The following MRPS27 variants were observed in gnomAD, a reference collection of about 807,000 sequenced individuals.
MRPS27 encodes small ribosomal subunit protein mS27.
MRPS27 carries 43 observed loss-of-function variants against 48.9 expected under a neutral mutation model. That is an observed-to-expected ratio of 0.88 (90% CI 0.69 to 1.13). MRPS27 has a LOEUF of 1.13. Ranked by LOEUF, MRPS27 falls within the 50% of genes most tolerant of loss-of-function variation. The pLI, the probability that MRPS27 is intolerant of heterozygous loss-of-function variation, is 0.00. For missense variants in MRPS27, 467 were observed against 476.3 expected (o/e 0.98, Z 0.18); for synonymous variants, 188 against 171.9 (o/e 1.09, Z -0.73).
At chr5:72,284,359 G>A (rs1172441463) in intron 4 of MRPS27, among the ~76,000 whole-genome samples, 1 of 151,714 alleles carries the variant, frequency 6.6e-6, no homozygotes, top group Non-Finnish European at 1.5e-5. Flanking sequence ...GGGAAGTTGA[G>A]GGTACAGTGA....
At chr5:72,286,852 C>A (rs1196459846) in intron 4 of MRPS27, among the ~76,000 whole-genome samples, 1 of 152,132 alleles carries the variant, frequency 6.6e-6, no homozygotes, top group Non-Finnish European at 1.5e-5. Flanking sequence ...CAAAATAAAG[C>A]CGATCATAGA....
chr5:72,241,286 C>T (rs1052487420), intron 4 of MRPS27, among the ~76,000 whole-genome samples: 1 of 152,206 alleles, frequency 6.6e-6, no homozygotes, highest in Non-Finnish European at 1.5e-5. Flanking sequence ...AGCCACTGTG[C>T]CCAGCCTTGG....
At chr5:72,285,232 C>T (rs891764691) in intron 4 of MRPS27, among the ~76,000 whole-genome samples, 6 of 152,190 alleles carry the variant, frequency 3.9e-5, no homozygotes, top group African/African-American at 1.2e-4. Context: ...CTCACTTCCT[C>T]CTTCTAACTC....
At chr5:72,229,518 C>T (rs755635170) in intron 7 of MRPS27, 4 of 152,024 alleles carry the variant, frequency 2.6e-5, no homozygotes, top group Non-Finnish European at 5.9e-5. Context: ...ATTTTCCCCA[C>T]CTAAAACTGC....
chr5:72,247,626 G>A (rs1212276216), intron 4 of MRPS27, among the ~76,000 whole-genome samples: 1 of 152,152 alleles, frequency 6.6e-6, no homozygotes, highest in African/African-American at 2.4e-5. Flanking sequence ...CATTATAACT[G>A]AAGATCAAGT....
rs1580047059 is a variant in MRPS27, at chr5:72,220,624, A to G, written c.*285T>C. On this transcript the variant is annotated 3_prime_UTR_variant, in exon 11 of 11. Transcript: ENST00000261413. Reference sequence around the variant, plus strand: ...CTGGGTCTTAGGAACTTTAATGCTCATAACTAATCCCTGTGCCCCAGGAAC... The same window carrying G: ...CTGGGTCTTAGGAACTTTAATGCTCGTAACTAATCCCTGTGCCCCAGGAAC... 1 of 407,776 alleles carries G rather than the reference A, an allele frequency of 2.5e-6. No homozygotes were observed. The highest frequency in any genetic ancestry group is 4.2e-5 in the East Asian group (1 of 23,654). The allele number at this position is 407,776 out of a possible 1,614,324, so 25.3% of individuals were successfully genotyped here.
chr5:72,289,342 C>T (rs1164066538), intron 4 of MRPS27, among the ~76,000 whole-genome samples: 1 of 152,168 alleles, frequency 6.6e-6, no homozygotes, highest in Non-Finnish European at 1.5e-5. Flanking sequence ...AGCTTTGCAA[C>T]AGTCTTTTCT....
intron 4 of MRPS27, among the ~76,000 whole-genome samples, chr5:72,249,513 G>A (rs578065095): frequency 5.9e-5 from 9 of 152,008 alleles, no homozygotes; most frequent in Non-Finnish European, 1.0e-4. Context: ...GTGAAACCCC[G>A]TCTCTACTAA....
At chr5:72,283,262 T>G (rs1203514979) in intron 4 of MRPS27, among the ~76,000 whole-genome samples, 6 of 152,352 alleles carry the variant, frequency 3.9e-5, no homozygotes, top group South Asian at 2.1e-4. Flanking sequence ...AGATAATACA[T>G]TTTCATTGTT....
At chr5:72,288,338 G>C (rs1281232763) in intron 4 of MRPS27, among the ~76,000 whole-genome samples, 2 of 151,990 alleles carry the variant, frequency 1.3e-5, no homozygotes, top group African/African-American at 4.8e-5. Flanking sequence ...CTCCCATGTA[G>C]CTGGGTCTAC....
At chr5:72,287,173 G>A (rs902064778) in intron 4 of MRPS27, among the ~76,000 whole-genome samples, 1 of 152,058 alleles carries the variant, frequency 6.6e-6, no homozygotes, top group Non-Finnish European at 1.5e-5. Flanking sequence ...CTGATGATCT[G>A]AGATGGAACA....
At chr5:72,228,600 A>T (rs1180799803) in intron 7 of MRPS27, 3 of 377,998 alleles carry the variant, frequency 7.9e-6, no homozygotes, top group Admixed American at 8.9e-5. Context: ...CAGTGAAATT[A>T]TGAGTAATTT....
In MRPS27 at chr5:72,297,692, T is replaced by G. The variant is rs752091628; in HGVS notation, c.162A>C (p.Ala54=). 40 of 1,599,320 alleles carry G rather than the reference T, an allele frequency of 2.5e-5. No individual in the cohort carries two copies. Among genetic ancestry groups the G allele is most frequent in the Middle Eastern group, 3.3e-4 (2 of 6,004 alleles). ...TCTCAAATGTTTTATCCATTAAAGATGCAAGATCAGCTGTGAAGACAAAAA... is the reference window on the plus strand; with the variant it reads ...TCTCAAATGTTTTATCCATTAAAGAGGCAAGATCAGCTGTGAAGACAAAAA... ...EKEHYCLADL[A]SLMDKTFERK... Residue 54 remains alanine, a synonymous_variant, in exon 3 of 11, where the codon GCA becomes GCC. Coordinates refer to ENST00000261413, the MANE Select transcript of MRPS27 (RefSeq NM_015084.3).
rs1748566909 is a variant in MRPS27 at position 72,248,468 on chromosome 5, T to C, written c.282-10340A>G. On this transcript the variant is annotated intron_variant, in intron 4 of 10. Transcript: ENST00000261413. ...TTTAGGCTGGCCCAGAAAGAGGGAATGAACAATTTGAAAAACATCTTTTAC... is the reference window on the plus strand; with the variant it reads ...TTTAGGCTGGCCCAGAAAGAGGGAACGAACAATTTGAAAAACATCTTTTAC... Among the ~76,000 whole-genome samples, 3 of 152,100 alleles carry C rather than the reference T, an allele frequency of 2.0e-5. No homozygotes were observed. The South Asian group carries it at 6.2e-4, about 32-fold the overall frequency.
intron 4 of MRPS27, among the ~76,000 whole-genome samples, chr5:72,287,551 AT>A (rs1338506417): frequency 6.6e-6 from 1 of 152,248 alleles, no homozygotes; most frequent in African/African-American, 2.4e-5. Flanking sequence ...AGGCAGGAGA[AT>A]TGCTTGAACT....
At chr5:72,289,426 C>CTT (rs113119081) in intron 4 of MRPS27, among the ~76,000 whole-genome samples, 1 of 146,288 alleles carries the variant, frequency 6.8e-6, no homozygotes, top group Non-Finnish European at 1.5e-5. Context: ...ATGCTATATT[C>CTT]TTTTTTTTTT....
chr5:72,265,058 A>T (rs549240597), intron 4 of MRPS27, among the ~76,000 whole-genome samples: 1 of 152,258 alleles, frequency 6.6e-6, no homozygotes, highest in African/African-American at 2.4e-5. Flanking sequence ...GGCAGCAACA[A>T]GATTTCAAGA....
intron 7 of MRPS27, among the ~76,000 whole-genome samples, chr5:72,230,600 T>G (rs1748034001): frequency 6.6e-6 from 1 of 152,186 alleles, no homozygotes; most frequent in Non-Finnish European, 1.5e-5. Flanking sequence ...TCTTTTTGCT[T>G]TCTAGCTCAT....
At chr5:72,257,207 C>T (rs1343227160) in intron 4 of MRPS27, among the ~76,000 whole-genome samples, 1 of 152,096 alleles carries the variant, frequency 6.6e-6, no homozygotes, top group Non-Finnish European at 1.5e-5. Context: ...TAGCTATGTG[C>T]CTTTGGGAAA....
Sources: gnomAD v4.1 joint callset for allele counts (sites outside exome capture counted in the v4.1 genomes callset) on GRCh38, gnomAD v4.1.1 for gene constraint, MANE v1.5 for transcripts, NCBI Gene and HGNC (gene_info 2026-07-23, HGNC 2026-07-21) for gene names.